The following CPS1 variants were observed in gnomAD, a reference collection of about 807,000 sequenced individuals.
CPS1 encodes carbamoyl-phosphate synthase 1.
CPS1 carries 109 observed loss-of-function variants against 174.6 expected under a neutral mutation model. The observed-to-expected ratio is 0.62, with a 90% CI of 0.53 to 0.73. The LOEUF (loss-of-function observed/expected upper bound fraction) is 0.73. Ranked by LOEUF, CPS1 falls within the 30% of genes least tolerant of loss-of-function variation. CPS1 has a pLI of 0.00. For missense variants in CPS1, 1,689 were observed against 1,821.9 expected, an observed-to-expected ratio of 0.93 and a Z score of 1.33; for synonymous variants, 637 against 632.0, an observed-to-expected ratio of 1.01 and a Z score of -0.12.
intron 21 of CPS1, among the ~76,000 whole-genome samples, chr2:210,631,570 AT>A (rs35940992): frequency 6.6e-6 from 1 of 152,106 alleles, no homozygotes; most frequent in Non-Finnish European, 1.5e-5. Context: ...GTTTTAAGAC[AT>A]TTTTTTCACC....
rs570768508 is a variant in CPS1, at chr2:210,513,619, A to G, written c.3+35853A>G. On this transcript the variant is annotated intron_variant, in intron 1 of 38. Transcript: ENST00000430249. ...TTTGTTGGATGCATAGTTTGCAAAT[A>G]TTTTCTCCCATTCTGTAGGTTGTCT... 8.6e-5 allele frequency among the ~76,000 whole-genome samples: 13 copies of G among 151,836 alleles called. 1 individual carries two copies. Among genetic ancestry groups the G allele is most frequent in the African/African-American group, 3.1e-4 (13 of 41,394 alleles).
intron 1 of CPS1, among the ~76,000 whole-genome samples, chr2:210,482,644 T>A (rs1377055240): frequency 1.4e-5 from 2 of 145,692 alleles, no homozygotes; most frequent in Non-Finnish European, 3.0e-5. Context: ...GACTAGAGTT[T>A]GACATATGCT....
At chr2:210,502,480 TAA>T (rs201557520) in intron 1 of CPS1, among the ~76,000 whole-genome samples, 3 of 132,782 alleles carry the variant, frequency 2.3e-5, no homozygotes, top group Non-Finnish European at 1.7e-5. Flanking sequence ...TATTTATATA[TAA>T]AAGAGATATA....
chr2:210,608,546 A>C lies in CPS1; in HGVS notation c.2378A>C (p.Lys793Thr). 1 of 1,611,954 alleles carries C rather than the reference A, an allele frequency of 6.2e-7. No individual in the cohort carries two copies. Among genetic ancestry groups the C allele is most frequent in the Non-Finnish European group, 8.5e-7 (1 of 1,178,604 alleles). Reference sequence around the variant, plus strand: ...TCTAGCCGAATTGGTAGCTCTATGAAAAGTGTAGGAGAGGTGAGTCCTTGG... The same window carrying C: ...TCTAGCCGAATTGGTAGCTCTATGACAAGTGTAGGAGAGGTGAGTCCTTGG... The part of the protein sequence containing the change: ...GTSSRIGSSM[K>T]SVGEVMAIGR... Residue 793 changes from lysine to threonine, a missense_variant, in exon 19 of 38, where the codon AAA becomes ACA. Lys to Thr is a moderately conservative substitution (Grantham distance 78). Coordinates refer to ENST00000233072, the MANE Select transcript of CPS1 (RefSeq NM_001875.5).
intron 11 of CPS1, 28 bp from the exon 12 acceptor site, chr2:210,594,480 C>G: frequency 6.6e-7 from 1 of 1,506,536 alleles, no homozygotes; most frequent in Non-Finnish European, 9.2e-7. Flanking sequence ...TTTGAAGCTT[C>G]TAACTAGTTG....
rs995077019 is a variant in CPS1, at chr2:210,588,575, A to G, written c.711+428A>G. On this transcript the variant is annotated intron_variant, in intron 7 of 37. Coordinates refer to ENST00000233072, the MANE Select transcript of CPS1 (RefSeq NM_001875.5). ...GTACGAACTTTCACATTGTTTTTAT[A>G]TCAACTCTTAGACAACCAGTTAAAA... 6.6e-5 allele frequency among the ~76,000 whole-genome samples: 10 copies of G among 152,182 alleles called. 1 individual carries two copies. Among genetic ancestry groups the G allele is most frequent in the African/African-American group, 2.4e-4 (10 of 41,560 alleles).
Position 210,627,604 on chromosome 2 carries a change from G to GTGC in CPS1, c.2688-10098_2688-10097insTGC, listed in dbSNP as rs1699734164. ...TAGAGTCATGCACTTCGTATCCAAA[G>GTGC]ACTATAAGGCAGCGACCATGCCTCC... On this transcript the variant is annotated intron_variant, in intron 21 of 37. Coordinates refer to ENST00000233072, the MANE Select transcript of CPS1 (RefSeq NM_001875.5). Among the ~76,000 whole-genome samples the GTGC allele has an allele frequency of 3.9e-5, 6 of 152,264 alleles. No homozygotes were observed. The South Asian group carries it at 1.2e-3, about 32-fold the overall frequency.
chr2:210,573,545 A>G lies in CPS1; in HGVS notation c.236+138A>G, dbSNP rs1697588283. On this transcript the variant is annotated intron_variant, in intron 2 of 37. Transcript: ENST00000233072. ...CCTGAAGTTGCACCATGCCTTGTGC[A>G]TAGCCTACTGCTGCCGTCCTTGAAA... The G allele has an allele frequency of 5.6e-6, 4 of 720,002 alleles. No homozygotes were observed. The Admixed American group carries it at 8.6e-5, about 15-fold the overall frequency. 44.6% of individuals were successfully genotyped at this position (720,002 alleles called of 1,614,324 possible).
chr2:210,484,859 G>C (rs1482319004), intron 1 of CPS1, among the ~76,000 whole-genome samples: 1 of 152,154 alleles, frequency 6.6e-6, no homozygotes, highest in Non-Finnish European at 1.5e-5. Context: ...AAAACTGATT[G>C]TCTCAGTGAT....
At position 210,623,352 on chromosome 2, in the gene CPS1, A is replaced by G. The variant is rs76643090; in HGVS notation, c.2687+6811A>G. Among the ~76,000 whole-genome samples the G allele has an allele frequency of 3.2e-3, 485 of 152,206 alleles. 4 individuals are homozygous for G. The highest frequency in any genetic ancestry group is 0.011 in the African/African-American group (465 of 41,552). Reference sequence around the variant, plus strand: ...TTGTATTTGTTTCCCTATTGTTGACATAAACTTTACTATGGATTTATTTAC... The same window carrying G: ...TTGTATTTGTTTCCCTATTGTTGACGTAAACTTTACTATGGATTTATTTAC... On this transcript the variant is annotated intron_variant, in intron 21 of 37. Transcript: ENST00000233072.
intron 1 of CPS1, among the ~76,000 whole-genome samples, chr2:210,508,952 C>T (rs1695369790): frequency 6.6e-6 from 1 of 152,178 alleles, no homozygotes; most frequent in African/African-American, 2.4e-5. Context: ...ACCAGAGGTA[C>T]AAGGAGGAGC....
chr2:210,491,294 A>C (rs1278072047), intron 1 of CPS1, among the ~76,000 whole-genome samples: 1 of 80,828 alleles, frequency 1.2e-5, no homozygotes, highest in African/African-American at 5.9e-5. Flanking sequence ...AAAAGCATGT[A>C]TTTGGTATCT....
intron 28 of CPS1, among the ~76,000 whole-genome samples, chr2:210,651,366 G>A (rs1448156831): frequency 6.6e-6 from 1 of 152,132 alleles, no homozygotes; most frequent in Non-Finnish European, 1.5e-5. Flanking sequence ...AGTGAGAAGA[G>A]GCAAAGAGTG....
chr2:210,534,382 C>T (rs1263176515), intron 1 of CPS1, among the ~76,000 whole-genome samples: 1 of 152,172 alleles, frequency 6.6e-6, no homozygotes, highest in Non-Finnish European at 1.5e-5. Context: ...TGCAAACTTA[C>T]TCTGGAAAGA....
exon 1 of CPS1, chr2:210,477,717 G>T (rs1694432466): frequency 6.2e-7 from 1 of 1,609,864 alleles, no homozygotes; most frequent in East Asian, 2.2e-5. Context: ...AGGAAATGTA[G>T]TTGCTTTCTT....
chr2:210,588,682 TC>T (rs1267015495), intron 7 of CPS1, among the ~76,000 whole-genome samples: 2 of 152,192 alleles, frequency 1.3e-5, no homozygotes, highest in East Asian at 1.9e-4. Context: ...TTTTTCCTTC[TC>T]CTCACTCCTC....
intron 36 of CPS1, 150 bp from the exon 37 acceptor site, chr2:210,676,857 A>T: frequency 1.4e-6 from 1 of 694,172 alleles, no homozygotes; most frequent in Non-Finnish European, 2.5e-6. Context: ...AGTGTAATTT[A>T]AACATCTACT....
rs541762434 is a variant in CPS1, at chr2:210,482,583, C to T, written c.3+4817C>T. Reference sequence around the variant, plus strand: ...AAGTACTGGAATTACAGATGTGAGCCACTGCTCCCACCTGAATCTTAATCT... The same window carrying T: ...AAGTACTGGAATTACAGATGTGAGCTACTGCTCCCACCTGAATCTTAATCT... On this transcript the variant is annotated intron_variant, in intron 1 of 38. Coordinates refer to the CPS1 transcript ENST00000430249. Among the ~76,000 whole-genome samples, 11 of 152,062 alleles carry T rather than the reference C, an allele frequency of 7.2e-5. 1 individual carries two copies. Among genetic ancestry groups the T allele is most frequent in the African/African-American group, 2.7e-4 (11 of 41,422 alleles).
At chr2:210,489,824 C>T (rs534211874) in intron 1 of CPS1, among the ~76,000 whole-genome samples, 1 of 151,558 alleles carries the variant, frequency 6.6e-6, no homozygotes, top group African/African-American at 2.4e-5. Context: ...TGGTGAAACC[C>T]CGTCTCTACT....
Sources: allele counts gnomAD v4.1 joint callset (sites outside exome capture counted in the v4.1 genomes callset), GRCh38; gene constraint gnomAD v4.1.1; transcripts MANE v1.5; gene names NCBI Gene and HGNC (gene_info 2026-07-23, HGNC 2026-07-21).